EIF4G3: variants seen among roughly 807,000 people sequenced by gnomAD.
EIF4G3 encodes eukaryotic translation initiation factor 4 gamma 3.
A neutral mutation model predicts 186.4 loss-of-function variants in EIF4G3; 34 were observed. The ratio of observed to expected loss-of-function variants is 0.18; its 90% CI spans 0.14 to 0.24. The LOEUF (loss-of-function observed/expected upper bound fraction) is 0.24. Ranked by LOEUF, EIF4G3 falls within the 10% of genes least tolerant of loss-of-function variation. The pLI, the probability that EIF4G3 is intolerant of heterozygous loss-of-function variation, is 1.00. For synonymous variants in EIF4G3, 673 were observed against 679.5 expected (o/e 0.99, Z 0.15); for missense variants, 1,536 against 1,948.5 (o/e 0.79, Z 3.99).
intron 14 of EIF4G3, among the ~76,000 whole-genome samples, chr1:20,926,976 T>A (rs1350697644): frequency 6.6e-6 from 1 of 152,060 alleles, no homozygotes; most frequent in Non-Finnish European, 1.5e-5. Context: ...ATTATATGTT[T>A]AAGGGTTCGA....
At chr1:20,875,395 T>C (rs1033913778) in intron 20 of EIF4G3, among the ~76,000 whole-genome samples, 2 of 152,248 alleles carry the variant, frequency 1.3e-5, no homozygotes, top group African/African-American at 4.8e-5. Flanking sequence ...TCTGTAAGCA[T>C]GTTGCATTGG....
chr1:20,961,305 C>T (rs993440276), intron 12 of EIF4G3, among the ~76,000 whole-genome samples: 1 of 152,072 alleles, frequency 6.6e-6, no homozygotes, highest in Non-Finnish European at 1.5e-5. Flanking sequence ...ATCGCTTGAA[C>T]CAGGGAGGCA....
At chr1:20,946,202 C>T (rs1234557981) in intron 13 of EIF4G3, among the ~76,000 whole-genome samples, 1 of 152,170 alleles carries the variant, frequency 6.6e-6, no homozygotes, top group Non-Finnish European at 1.5e-5. Flanking sequence ...AAATGAACAA[C>T]ACTGCTATGA....
chr1:20,992,804 ATAAGGACAGGAACATAAGTAACT>A (rs1180429526), intron 7 of EIF4G3, among the ~76,000 whole-genome samples: 1 of 152,182 alleles, frequency 6.6e-6, no homozygotes. Flanking sequence ...CCAAAGTAAA[ATAAGGACAGGAACATAAGTAACT>A]TTAAACCAGA....
intron 7 of EIF4G3, among the ~76,000 whole-genome samples, chr1:20,989,047 G>A (rs1183924508): frequency 1.4e-5 from 1 of 72,198 alleles, no homozygotes; most frequent in Non-Finnish European, 2.8e-5. Context: ...CAAAAAGAGA[G>A]GAGAGGAGAG....
In EIF4G3 at chr1:20,941,391, T is replaced by C. The variant is rs760941469; in HGVS notation, c.1663+100A>G. 3.1e-6 allele frequency: 5 copies of C among 1,611,708 alleles called. No homozygotes were observed. In the South Asian group the frequency reaches 3.3e-5, roughly 11 times the overall value. On this transcript the variant is annotated intron_variant, in intron 14 of 36. Coordinates refer to ENST00000602326, the MANE Select transcript of EIF4G3 (RefSeq NM_001391906.1). The stretch of plus-strand genomic sequence containing the variant: ...ACTAGGAATTTCAGCATTCATTCGA[T>C]GTTTCTGGAAGTCAAGGAAAGTAGC...
chr1:21,085,855 G>A (rs376829257), intron 3 of EIF4G3, among the ~76,000 whole-genome samples: 2 of 151,936 alleles, frequency 1.3e-5, no homozygotes, highest in East Asian at 3.9e-4. Flanking sequence ...CACCACACCC[G>A]GCTAATTTTT....
rs928368739 is a variant in EIF4G3 at position 21,141,358 on chromosome 1, T to G, written c.-272+34817A>C. ...TGAATTGAACATTACCATTTCTATT[T>G]GAGAAAAATATTTTTTCTTTGTGTG... On this transcript the variant is annotated intron_variant, in intron 2 of 36. Transcript: ENST00000602326. 2.1e-5 allele frequency among the ~76,000 whole-genome samples: 3 copies of G among 140,352 alleles called. No individual in the cohort carries two copies. In the Admixed American group the frequency reaches 2.3e-4, roughly 11 times the overall value. The allele number at this position is 140,352 out of a possible 152,430, so 92.1% of individuals were successfully genotyped here.
At chr1:21,171,648 A>C (rs1282394248) in intron 2 of EIF4G3, among the ~76,000 whole-genome samples, 2 of 152,176 alleles carry the variant, frequency 1.3e-5, no homozygotes, top group Non-Finnish European at 2.9e-5. Flanking sequence ...GTTTCTGTAA[A>C]TCCCTCCTCT....
intron 4 of EIF4G3, among the ~76,000 whole-genome samples, chr1:21,031,643 A>G (rs1202020925): frequency 6.6e-6 from 1 of 152,188 alleles, no homozygotes; most frequent in Non-Finnish European, 1.5e-5. Flanking sequence ...TGACAACAAA[A>G]AGGACTTGCC....
At chr1:21,098,346 A>G (rs1048751860) in intron 2 of EIF4G3, among the ~76,000 whole-genome samples, 13 of 152,146 alleles carry the variant, frequency 8.5e-5, no homozygotes, top group African/African-American at 3.1e-4. Flanking sequence ...GTTCAGGACT[A>G]GCCTGGGCAA....
intron 30 of EIF4G3, among the ~76,000 whole-genome samples, chr1:20,830,268 C>T (rs2064775972): frequency 6.6e-6 from 1 of 152,154 alleles, no homozygotes; most frequent in Non-Finnish European, 1.5e-5. Context: ...AAACTTTTCA[C>T]TTAAAAAGAG....
At chr1:20,906,689 T>C (rs763286986) in intron 14 of EIF4G3, among the ~76,000 whole-genome samples, 11 of 152,134 alleles carry the variant, frequency 7.2e-5, no homozygotes, top group Non-Finnish European at 1.2e-4. Context: ...CCAGTGAGAA[T>C]TGTTACTCAT....
chr1:20,906,797 T>TA (rs199776799), intron 14 of EIF4G3, among the ~76,000 whole-genome samples: 4,368 of 142,028 alleles, frequency 0.031, 89 homozygotes, highest in Non-Finnish European at 0.046. Context: ...ACTTAGTCCT[T>TA]AAAAAAAACT....
chr1:20,826,040 A>T (rs1335863200), intron 32 of EIF4G3, among the ~76,000 whole-genome samples: 1 of 152,262 alleles, frequency 6.6e-6, no homozygotes, highest in African/African-American at 2.4e-5. Context: ...CTGAAAATAT[A>T]GTTGAACCAG....
intron 14 of EIF4G3, among the ~76,000 whole-genome samples, chr1:20,905,836 T>TA (rs1331875172): frequency 6.6e-6 from 1 of 152,126 alleles, no homozygotes; most frequent in African/African-American, 2.4e-5. Context: ...GGCCACTTAA[T>TA]AGGGAACATT....
chr1:20,949,606 T>C (rs114617003), intron 13 of EIF4G3, among the ~76,000 whole-genome samples: 1,682 of 152,260 alleles, frequency 0.011, 15 homozygotes, highest in Non-Finnish European at 0.018. Flanking sequence ...TAAGAAGAAA[T>C]GTTTTATCTT....
At chr1:20,874,498 C>G (rs2080187409) in intron 20 of EIF4G3, among the ~76,000 whole-genome samples, 1 of 152,030 alleles carries the variant, frequency 6.6e-6, no homozygotes, top group Admixed American at 6.6e-5. Flanking sequence ...CATTGATTAT[C>G]TTTTCTAAAG....
rs139966617 is a variant in EIF4G3, at chr1:21,021,983, T to C, written c.-66-19175A>G. Among the ~76,000 whole-genome samples, 22 of 152,296 alleles carry C rather than the reference T, an allele frequency of 1.4e-4. No homozygotes were observed. In the East Asian group the frequency reaches 4.2e-3, roughly 29 times the overall value. On this transcript the variant is annotated intron_variant, in intron 4 of 36. Coordinates refer to ENST00000602326, the MANE Select transcript of EIF4G3 (RefSeq NM_001391906.1). The stretch of plus-strand genomic sequence containing the variant: ...TAATATTAACATAAAATCCAGCAAA[T>C]ACGTAAATTTCTATTTCAAAACAAC...
Sources: gnomAD v4.1 joint callset for allele counts (sites outside exome capture counted in the v4.1 genomes callset) on GRCh38, gnomAD v4.1.1 for gene constraint, MANE v1.5 for transcripts, NCBI Gene and HGNC (gene_info 2026-07-23, HGNC 2026-07-21) for gene names.